Variants in CDH4 observed in about 807,000 individuals in gnomAD.
CDH4 encodes the protein cadherin-4.
A neutral mutation model predicts 86.0 loss-of-function variants in CDH4; 33 were observed. The observed-to-expected ratio is 0.38, with a 90% CI of 0.29 to 0.51. CDH4 has a LOEUF of 0.51. Ranked by LOEUF, CDH4 falls within the 20% of genes least tolerant of loss-of-function variation. The probability of loss-of-function intolerance (pLI) is 0.86; values close to 1 mark genes in which losing one functional copy is unlikely to be tolerated. For synonymous variants in CDH4, 555 were observed against 549.4 expected (o/e 1.01, Z -0.14); for missense variants, 1,114 against 1,307.4 (o/e 0.85, Z 2.28).
chr20:61,406,962 C>G (rs1400566490), intron 2 of CDH4, among the ~76,000 whole-genome samples: 1 of 146,156 alleles, frequency 6.8e-6, no homozygotes, highest in Non-Finnish European at 1.5e-5. Context: ...TCTGCTCTGC[C>G]TGGACCACCA....
At chr20:61,631,230 G>A (rs542101078) in intron 2 of CDH4, among the ~76,000 whole-genome samples, 4 of 152,224 alleles carry the variant, frequency 2.6e-5, no homozygotes, top group African/African-American at 4.8e-5. Flanking sequence ...AGGCGTTTCC[G>A]TCTGTGTCCA....
At chr20:61,500,991 G>A (rs777504627) in intron 2 of CDH4, among the ~76,000 whole-genome samples, 1 of 152,194 alleles carries the variant, frequency 6.6e-6, no homozygotes, top group African/African-American at 2.4e-5. Flanking sequence ...CCTTGACATC[G>A]TGTCATTCCT....
At position 61,879,941 on chromosome 20, in the gene CDH4, A is replaced by AG. The variant is rs1302186743; in HGVS notation, c.1050+6047dup. Among the ~76,000 whole-genome samples, 2 of 152,180 alleles carry AG rather than the reference A, an allele frequency of 1.3e-5. No individual in the cohort carries two copies. Among genetic ancestry groups the AG allele is most frequent in the African/African-American group, 2.4e-5 (1 of 41,510 alleles). On this transcript the variant is annotated intron_variant, in intron 7 of 15. Coordinates refer to ENST00000614565, the MANE Select transcript of CDH4 (RefSeq NM_001794.5). The surrounding 1 kb of genome is among the most constrained non-coding windows in gnomAD (Gnocchi z 4.1). Reference sequence around the variant, plus strand: ...TCAGCTTGAAATTTCTTCCCAAACAAGGGGGGCCGAATTCGTGATCTCCTG... The same window carrying AG: ...TCAGCTTGAAATTTCTTCCCAAACAAGGGGGGGCCGAATTCGTGATCTCCTG...
intron 2 of CDH4, among the ~76,000 whole-genome samples, chr20:61,331,633 C>CCGGCCACCTGCCT (rs1220718196): frequency 3.0e-5 from 3 of 99,662 alleles, no homozygotes; most frequent in South Asian, 3.1e-4. Flanking sequence ...ACCTCCTGCC[C>CCGGCCACCTGCCT]CAGACCCACC....
intron 2 of CDH4, among the ~76,000 whole-genome samples, chr20:61,394,040 T>C (rs2085001775): frequency 6.6e-6 from 1 of 152,232 alleles, no homozygotes; most frequent in African/African-American, 2.4e-5. Flanking sequence ...ATTGCATTGT[T>C]ATTATTCATC....
chr20:61,790,463 T>TCCAC (rs748403765), intron 4 of CDH4, among the ~76,000 whole-genome samples: 139 of 150,550 alleles, frequency 9.2e-4, no homozygotes, highest in Non-Finnish European at 1.2e-3. Flanking sequence ...CACCCATCCA[T>TCCAC]CCACCCACCC....
At chr20:61,590,953 G>A (rs952477290) in intron 2 of CDH4, among the ~76,000 whole-genome samples, 7 of 151,010 alleles carry the variant, frequency 4.6e-5, no homozygotes, top group Admixed American at 1.3e-4. Context: ...GGTCTCCACC[G>A]CCAATGCTGA....
intron 2 of CDH4, among the ~76,000 whole-genome samples, chr20:61,680,997 T>C (rs1364798844): frequency 6.6e-6 from 1 of 152,194 alleles, no homozygotes; most frequent in Non-Finnish European, 1.5e-5. Flanking sequence ...GTTCCCTCCC[T>C]TTCCACCCAT....
At chr20:61,638,832 A>T (rs1013926922) in intron 2 of CDH4, among the ~76,000 whole-genome samples, 3 of 152,136 alleles carry the variant, frequency 2.0e-5, no homozygotes, top group Non-Finnish European at 2.9e-5. Context: ...GACCCTGAAA[A>T]CTGAAGCACC....
intron 2 of CDH4, among the ~76,000 whole-genome samples, chr20:61,292,627 C>A (rs1272397356): frequency 2.0e-5 from 3 of 152,238 alleles, no homozygotes. Flanking sequence ...GACGGCCCAG[C>A]CCCAGCTGCC....
intron 3 of CDH4, among the ~76,000 whole-genome samples, chr20:61,744,763 C>G (rs1212954709): frequency 6.6e-6 from 1 of 152,236 alleles, no homozygotes; most frequent in Non-Finnish European, 1.5e-5. Context: ...CTGGCATATT[C>G]CAGCAATCCA....
At chr20:61,883,738 GC>G (rs1341130542) in intron 7 of CDH4, among the ~76,000 whole-genome samples, 1 of 152,168 alleles carries the variant, frequency 6.6e-6, no homozygotes, top group Non-Finnish European at 1.5e-5. Flanking sequence ...CCAGGGAGGA[GC>G]CCCCAGCGCC....
Position 61,474,182 on chromosome 20 carries a change from A to G in CDH4, c.169+219245A>G, listed in dbSNP as rs1273158005. 7.5e-5 allele frequency among the ~76,000 whole-genome samples: 7 copies of G among 93,428 alleles called. 1 individual carries two copies. The South Asian group carries it at 1.5e-3, about 20-fold the overall frequency. The allele number at this position is 93,428 out of a possible 152,430, so 61.3% of individuals were successfully genotyped here. On this transcript the variant is annotated intron_variant, in intron 2 of 15. Transcript: ENST00000614565. ...TTTTTTTTTTTTTTTTTTTTTTGAG[A>G]TGGAGTCTGACTCTGTTGCCCAGGC...
At chr20:61,574,347 G>A (rs1401941715) in intron 2 of CDH4, among the ~76,000 whole-genome samples, 1 of 152,240 alleles carries the variant, frequency 6.6e-6, no homozygotes, top group Non-Finnish European at 1.5e-5. Flanking sequence ...TGGGCCCCGT[G>A]TGCAACGTGA....
At chr20:61,541,298 G>T (rs1362686612) in intron 2 of CDH4, among the ~76,000 whole-genome samples, 4 of 152,222 alleles carry the variant, frequency 2.6e-5, no homozygotes, top group Admixed American at 6.5e-5. Context: ...AGGAGGAGAG[G>T]CCACATCTCC....
At chr20:61,528,910 A>ACGAC (rs2085932859) in intron 2 of CDH4, among the ~76,000 whole-genome samples, 2 of 149,682 alleles carry the variant, frequency 1.3e-5, no homozygotes, top group African/African-American at 4.9e-5. Flanking sequence ...CAGATTTCTT[A>ACGAC]CGGTCCATAG....
At chr20:61,418,539 T>G (rs73148299) in intron 2 of CDH4, among the ~76,000 whole-genome samples, 1 of 152,110 alleles carries the variant, frequency 6.6e-6, no homozygotes, top group Non-Finnish European at 1.5e-5. Flanking sequence ...GAGGTTATTG[T>G]GTGAGCTGGT....
At chr20:61,594,499 G>A (rs984354386) in intron 2 of CDH4, among the ~76,000 whole-genome samples, 2 of 152,182 alleles carry the variant, frequency 1.3e-5, no homozygotes, top group South Asian at 2.1e-4. Context: ...AACAGCAGCC[G>A]GGGTTTCCAA....
At chr20:61,714,134 C>A (rs551046066) in intron 2 of CDH4, among the ~76,000 whole-genome samples, 1 of 151,806 alleles carries the variant, frequency 6.6e-6, no homozygotes, top group African/African-American at 2.4e-5. Context: ...ACAAGCTCTG[C>A]CTCCCAGGTT....
Sources: allele counts gnomAD v4.1 joint callset (sites outside exome capture counted in the v4.1 genomes callset), GRCh38; gene constraint gnomAD v4.1.1; non-coding constraint Gnocchi (gnomAD v3.1); transcripts MANE v1.5; gene names NCBI Gene and HGNC (gene_info 2026-07-23, HGNC 2026-07-21).